The following DYRK1A variants were observed in gnomAD, a reference collection of about 807,000 sequenced individuals.
DYRK1A encodes the protein dual specificity tyrosine phosphorylation regulated kinase 1A.
In DYRK1A, 9 loss-of-function variants were observed where a neutral mutation model predicts 79.7. The observed-to-expected ratio is 0.11, with a 90% CI of 0.07 to 0.20. The LOEUF is 0.20. Ranked by LOEUF, DYRK1A falls within the 10% of genes least tolerant of loss-of-function variation. The probability of loss-of-function intolerance (pLI) is 1.00; values close to 1 mark genes in which losing one functional copy is unlikely to be tolerated. For missense variants in DYRK1A, 622 were observed against 956.0 expected, an observed-to-expected ratio of 0.65 and a Z score of 4.61; for synonymous variants, 349 against 329.7, an observed-to-expected ratio of 1.06 and a Z score of -0.63.
rs1198875584 is a variant in DYRK1A at position 37,513,016 on chromosome 21, T to G, written c.*485T>G. On this transcript the variant is annotated 3_prime_UTR_variant, in exon 12 of 12. Transcript: ENST00000647188. ...TGGGAGGGTGGGAAATTTGGGTTTT[T>G]AAGTCCTCTAAACACACTTGGGCAC... is the stretch of plus-strand genomic sequence containing the variant. 6.2e-6 allele frequency: 1 copy of G among 160,924 alleles called. No individual in the cohort carries two copies. The highest frequency in any genetic ancestry group is 2.4e-5 in the African/African-American group (1 of 41,354). The allele number at this position is 160,924 out of a possible 1,614,324, so 10.0% of individuals were successfully genotyped here.
At chr21:37,451,581 G>T (rs1420973427) in intron 2 of DYRK1A, among the ~76,000 whole-genome samples, 2 of 150,322 alleles carry the variant, frequency 1.3e-5, no homozygotes, top group Non-Finnish European at 2.9e-5. Flanking sequence ...GCGTGGGCGT[G>T]CAGTAGGCTC....
intron 2 of DYRK1A, among the ~76,000 whole-genome samples, chr21:37,454,552 C>G (rs1169395690): frequency 6.6e-6 from 1 of 152,104 alleles, no homozygotes; most frequent in African/African-American, 2.4e-5. Flanking sequence ...TATGACCTCA[C>G]ATTTTCAGGT....
rs1374939381 is a variant in DYRK1A at position 37,392,712 on chromosome 21, C to A, written c.-77+25084C>A. On this transcript the variant is annotated intron_variant, in intron 1 of 11. Coordinates refer to ENST00000647188, the MANE Select transcript of DYRK1A (RefSeq NM_001347721.2). ...CCTAATGTAGAAATTCTGTGGGGAA[C>A]ACCAGTATTCAGACTGGTCATAGTC... Among the ~76,000 whole-genome samples, 4 of 152,328 alleles carry A rather than the reference C, an allele frequency of 2.6e-5. No homozygotes were observed. The East Asian group carries it at 7.7e-4, about 29-fold the overall frequency.
chr21:37,519,748 T>TTTTGTTTTGTTTTGTTTAGTTTTG lies in DYRK1A; in HGVS notation c.*7220_*7221insGTTTTGTTTTGTTTAGTTTTGTTT, dbSNP rs1306641734. 7 of 126,718 alleles carry TTTTGTTTTGTTTTGTTTAGTTTTG rather than the reference T, an allele frequency of 5.5e-5. No homozygotes were observed. Among genetic ancestry groups the TTTTGTTTTGTTTTGTTTAGTTTTG allele is most frequent in the African/African-American group, 2.6e-4 (7 of 27,306 alleles). The allele number at this position is 126,718 out of a possible 1,614,324, so 7.8% of individuals were successfully genotyped here. On this transcript the variant is annotated 3_prime_UTR_variant, in exon 12 of 12. Transcript: ENST00000647188. ...TTTGTTGTGGGAAGTTTTTTTTTTT[T>TTTTGTTTTGTTTTGTTTAGTTTTG]TTTTTTTTTTTGAGGCGGAGTCTCG... is the stretch of plus-strand genomic sequence containing the variant.
rs896872092 is a variant in DYRK1A at position 37,521,068 on chromosome 21, T to C, written c.*8537T>C. On this transcript the variant is annotated 3_prime_UTR_variant, in exon 12 of 12. Coordinates refer to ENST00000647188, the MANE Select transcript of DYRK1A (RefSeq NM_001347721.2). ...ATTATGTAATGACAGCTACTTAACA[T>C]CTTCTGTAGTCTTGAAGAATTCAGA... 6.6e-6 allele frequency: 1 copy of C among 152,240 alleles called. No individual in the cohort carries two copies. Among genetic ancestry groups the C allele is most frequent in the Admixed American group, 6.5e-5 (1 of 15,286 alleles). 9.4% of individuals were successfully genotyped at this position (152,240 alleles called of 1,614,324 possible). A position where few individuals can be genotyped will look rare whatever the true frequency, so the allele number is the denominator to read the frequency against.
rs1386583182 is a variant in DYRK1A at position 37,516,196 on chromosome 21, T to C, written c.*3665T>C. The C allele has an allele frequency of 6.6e-6, 1 of 152,222 alleles. No individual in the cohort carries two copies. The highest frequency in any genetic ancestry group is 1.5e-5 in the Non-Finnish European group (1 of 68,040). The allele number at this position is 152,222 out of a possible 1,614,324, so 9.4% of individuals were successfully genotyped here. On this transcript the variant is annotated 3_prime_UTR_variant, in exon 12 of 12. Coordinates refer to ENST00000647188, the MANE Select transcript of DYRK1A (RefSeq NM_001347721.2). Reference sequence around the variant, plus strand: ...TTTTATAGTGGTAGACTGTATGTAATAGACCAGATGGTTCATTCCAAATAC... The same window carrying C: ...TTTTATAGTGGTAGACTGTATGTAACAGACCAGATGGTTCATTCCAAATAC...
chr21:37,511,871 C>G, intron 11 of DYRK1A, 40 bp from the exon 12 acceptor site: 2 of 1,585,508 alleles, frequency 1.3e-6, no homozygotes, highest in Non-Finnish European at 1.7e-6. Flanking sequence ...AGCTTGGAAA[C>G]AGTCCTCTGA....
intron 2 of DYRK1A, among the ~76,000 whole-genome samples, chr21:37,451,945 AAG>A (rs1569334696): frequency 6.6e-6 from 1 of 152,046 alleles, no homozygotes; most frequent in Non-Finnish European, 1.5e-5. Context: ...AGTTGGAGAG[AAG>A]AGTTGCTGAA....
chr21:37,506,342 T>TAAGGAAC, intron 11 of DYRK1A, 119 bp downstream of exon 11: 2 of 1,585,262 alleles, frequency 1.3e-6, no homozygotes, highest in South Asian at 1.1e-5. Flanking sequence ...ATGACGTTCC[T>TAAGGAAC]GTCTAAGGAA....
At chr21:37,367,777 G>T (rs533995711) in intron 1 of DYRK1A, 149 bp downstream of exon 1, 1 of 151,360 alleles carries the variant, frequency 6.6e-6, no homozygotes, top group South Asian at 2.1e-4. Flanking sequence ...CCGGCCGCCG[G>T]GGGAGGGAGC....
chr21:37,397,162 A>C (rs2049972514), intron 1 of DYRK1A, among the ~76,000 whole-genome samples: 3 of 152,154 alleles, frequency 2.0e-5, no homozygotes, highest in Admixed American at 2.0e-4. Flanking sequence ...ACCCAGCCAC[A>C]AGGGAGCCTG....
chr21:37,411,882 A>G (rs768863654), intron 1 of DYRK1A, among the ~76,000 whole-genome samples: 12 of 152,166 alleles, frequency 7.9e-5, no homozygotes, highest in South Asian at 2.1e-4. Context: ...AACAAATACA[A>G]TCATGTTATC....
intron 1 of DYRK1A, among the ~76,000 whole-genome samples, chr21:37,397,916 G>C (rs1394971526): frequency 6.6e-6 from 1 of 151,726 alleles, no homozygotes; most frequent in Non-Finnish European, 1.5e-5. Context: ...GAGATGAGTT[G>C]TATTTCAAAT....
intron 1 of DYRK1A, among the ~76,000 whole-genome samples, chr21:37,371,326 G>C (rs1302020284): frequency 1.3e-5 from 2 of 151,860 alleles, no homozygotes; most frequent in African/African-American, 2.4e-5. Context: ...AGCAGCCTTA[G>C]TTTGATTATT....
rs73400163 is a variant in DYRK1A at position 37,500,033 on chromosome 21, A to G, written c.1212+3775A>G. 4.6e-3 allele frequency among the ~76,000 whole-genome samples: 703 copies of G among 152,240 alleles called. 4 individuals carry two copies. The highest frequency in any genetic ancestry group is 0.016 in the African/African-American group (658 of 41,536). ...CTTGAGTATGTGTGGATTTCAGCAT[A>G]TTTGGGGGGGTCCTGGAACCAACCC... is the stretch of plus-strand genomic sequence containing the variant. On this transcript the variant is annotated intron_variant, in intron 9 of 11. Transcript: ENST00000647188.
At chr21:37,408,724 T>C (rs2050192893) in intron 1 of DYRK1A, among the ~76,000 whole-genome samples, 1 of 152,228 alleles carries the variant, frequency 6.6e-6, no homozygotes, top group African/African-American at 2.4e-5. Context: ...ACTTATCTCA[T>C]CTTCAATATT....
chr21:37,499,553 A>C (rs1005586202), intron 9 of DYRK1A, among the ~76,000 whole-genome samples: 3 of 152,236 alleles, frequency 2.0e-5, no homozygotes, highest in African/African-American at 7.2e-5. Flanking sequence ...CACTCTGTAA[A>C]GATGGGTTAT....
At chr21:37,463,057 A>T (rs1443117859) in intron 2 of DYRK1A, among the ~76,000 whole-genome samples, 1 of 152,168 alleles carries the variant, frequency 6.6e-6, no homozygotes, top group Non-Finnish European at 1.5e-5. Flanking sequence ...GATTCAGTTA[A>T]TCTTTCATGC....
At chr21:37,377,318 A>G (rs973578144) in intron 1 of DYRK1A, among the ~76,000 whole-genome samples, 1 of 151,880 alleles carries the variant, frequency 6.6e-6, no homozygotes. Flanking sequence ...ATGGGGTTTC[A>G]CCATGTTAGT....
Sources: gnomAD v4.1 joint callset for allele counts (sites outside exome capture counted in the v4.1 genomes callset) on GRCh38, gnomAD v4.1.1 for gene constraint, MANE v1.5 for transcripts, NCBI Gene and HGNC (gene_info 2026-07-23, HGNC 2026-07-21) for gene names.